ARHGAP42: variants seen among roughly 807,000 people sequenced by gnomAD.
ARHGAP42 encodes the protein Rho GTPase activating protein 42.
ARHGAP42 carries 63 observed loss-of-function variants against 125.0 expected under a neutral mutation model. The observed-to-expected ratio is 0.50, with a 90% CI of 0.41 to 0.62. The LOEUF (loss-of-function observed/expected upper bound fraction) is 0.62, where lower values mean the gene tolerates loss of function less well. Ranked by LOEUF, ARHGAP42 falls within the 20% of genes least tolerant of loss-of-function variation. The probability of loss-of-function intolerance (pLI) is 0.00; values close to 1 mark genes in which losing one functional copy is unlikely to be tolerated. For missense variants in ARHGAP42, 766 were observed against 1,024.2 expected, an observed-to-expected ratio of 0.75 and a Z score of 3.44; for synonymous variants, 339 against 351.0, an observed-to-expected ratio of 0.97 and a Z score of 0.38.
In ARHGAP42 at chr11:100,965,676, G is replaced by T. The variant is rs1447706237; in HGVS notation, c.1450G>T (p.Asp484Tyr). 6.5e-7 allele frequency: 1 copy of T among 1,550,108 alleles called. No homozygotes were observed. The highest frequency in any genetic ancestry group is 1.2e-5 in the South Asian group (1 of 83,962). ...HKDFIIAVKS[D>Y]DQNYRVEAVH... ...CAATCTTTTTTATGTAACAGAATCTGATGATCAAAACTACAGGGTGGAGGC... is the reference window on the plus strand; with the variant it reads ...CAATCTTTTTTATGTAACAGAATCTTATGATCAAAACTACAGGGTGGAGGC... Residue 484 changes from aspartate to tyrosine, a missense_variant, in exon 17 of 24, where the codon GAT (aspartate) becomes TAT (tyrosine). Physicochemically the swap from Asp to Tyr is radical, Grantham distance 160. This residue lies in a region of ARHGAP42 where 455 missense variants were observed against 636.5 expected (regional missense o/e 0.71). Coordinates refer to ENST00000298815, the MANE Select transcript of ARHGAP42 (RefSeq NM_152432.4).
intron 2 of ARHGAP42, among the ~76,000 whole-genome samples, chr11:100,778,258 AG>A (rs1352592303): frequency 6.6e-6 from 1 of 152,184 alleles, no homozygotes. Context: ...TCTAAACCAA[AG>A]GCAATGCCAT....
intron 4 of ARHGAP42, among the ~76,000 whole-genome samples, chr11:100,899,886 G>A (rs1477875901): frequency 6.6e-6 from 1 of 151,942 alleles, no homozygotes; most frequent in African/African-American, 2.4e-5. Context: ...GTCTTTAATT[G>A]GGGCCTTTAG....
intron 1 of ARHGAP42, among the ~76,000 whole-genome samples, chr11:100,699,039 A>G (rs1386055298): frequency 3.3e-5 from 5 of 151,728 alleles, no homozygotes; most frequent in Non-Finnish European, 5.9e-5. Context: ...TTTCTCTTAA[A>G]TGTTGGTGGT....
chr11:100,965,887 C>T, intron 17 of ARHGAP42, 111 bp downstream of exon 17: 1 of 983,910 alleles, frequency 1.0e-6, no homozygotes, highest in Admixed American at 2.9e-5. Context: ...AATTAGAGTC[C>T]ATTGAATTTG....
chr11:100,794,072 T>A (rs1863643192), intron 2 of ARHGAP42, among the ~76,000 whole-genome samples: 1 of 65,000 alleles, frequency 1.5e-5, no homozygotes, highest in Admixed American at 2.6e-4. Context: ...CTAGACCCTG[T>A]CTCAAAAAAA....
chr11:100,978,013 T>C (rs571541694), intron 21 of ARHGAP42, among the ~76,000 whole-genome samples: 1 of 152,330 alleles, frequency 6.6e-6, no homozygotes, highest in African/African-American at 2.4e-5. Context: ...TCTCTTTTGG[T>C]TAGAAATCCA....
intron 3 of ARHGAP42, among the ~76,000 whole-genome samples, chr11:100,831,767 A>G (rs1027326566): frequency 4.6e-5 from 7 of 152,210 alleles, no homozygotes; most frequent in African/African-American, 1.4e-4. Context: ...TACTTCCACT[A>G]TAAATGGTTT....
At position 100,989,025 on chromosome 11, in the gene ARHGAP42, T is replaced by A; in HGVS notation, c.*224T>A. 2.0e-6 allele frequency: 1 copy of A among 499,744 alleles called. No individual in the cohort carries two copies. The highest frequency in any genetic ancestry group is 3.6e-6 in the Non-Finnish European group (1 of 278,838). The allele number at this position is 499,744 out of a possible 1,614,324, so 31.0% of individuals were successfully genotyped here. On this transcript the variant is annotated 3_prime_UTR_variant, in exon 24 of 24. Transcript: ENST00000298815. ...GTTTCTTATTTTAAAATATCTTACT[T>A]GTGAAAAATGTGTTTTTGGATAATA...
intron 8 of ARHGAP42, among the ~76,000 whole-genome samples, chr11:100,938,080 T>C (rs1867783072): frequency 2.0e-5 from 3 of 151,364 alleles, no homozygotes; most frequent in Admixed American, 2.0e-4. Context: ...TCTCTCTTAA[T>C]GGCACCCCTC....
chr11:100,947,168 A>C (rs1451184379), intron 10 of ARHGAP42, among the ~76,000 whole-genome samples: 1 of 151,836 alleles, frequency 6.6e-6, no homozygotes, highest in Non-Finnish European at 1.5e-5. Context: ...TCTTTTTTCA[A>C]ATTTACTTTT....
At chr11:100,774,535 A>C (rs901574587) in intron 2 of ARHGAP42, among the ~76,000 whole-genome samples, 2 of 152,200 alleles carry the variant, frequency 1.3e-5, no homozygotes, top group Admixed American at 1.3e-4. Flanking sequence ...AAAGAAGCTC[A>C]TCTTTTGTAT....
Position 100,978,968 on chromosome 11 carries a change from A to T in ARHGAP42, c.2394-19A>T, listed in dbSNP as rs190135264. On this transcript the variant is annotated intron_variant, in intron 21 of 23. Transcript: ENST00000298815. Reference sequence around the variant, plus strand: ...ATGTGATTGACTTCATGAAACTTGCATTTTAAATCATTTTTCAGAGTGGCA... The same window carrying T: ...ATGTGATTGACTTCATGAAACTTGCTTTTTAAATCATTTTTCAGAGTGGCA... 6 of 1,551,288 alleles carry T rather than the reference A, an allele frequency of 3.9e-6. No individual in the cohort carries two copies. In the East Asian group the frequency reaches 1.5e-4, roughly 38 times the overall value.
chr11:100,929,387 CT>C, intron 6 of ARHGAP42, among the ~76,000 whole-genome samples: 1 of 152,290 alleles, frequency 6.6e-6, no homozygotes, highest in Non-Finnish European at 1.5e-5. Context: ...TTGGGGACCC[CT>C]ATTATAAACG....
intron 2 of ARHGAP42, among the ~76,000 whole-genome samples, chr11:100,780,668 C>G (rs962805189): frequency 6.6e-6 from 1 of 152,238 alleles, no homozygotes; most frequent in African/African-American, 2.4e-5. Context: ...GTAGCTTTCT[C>G]TTGCCTCTCT....
intron 12 of ARHGAP42, among the ~76,000 whole-genome samples, chr11:100,955,058 G>A (rs1471101500): frequency 1.3e-5 from 2 of 152,100 alleles, no homozygotes; most frequent in Non-Finnish European, 2.9e-5. Flanking sequence ...GAATTGCTAG[G>A]AAATTGAAGG....
rs939424109 is a variant in ARHGAP42 at position 100,959,863 on chromosome 11, G to T, written c.1163-20G>T. On this transcript the variant is annotated intron_variant, in intron 12 of 23. Transcript: ENST00000298815. ...TGAGTTCAGCGTAAACACCTAATGC[G>T]ATTTCTCTCTTATTTTCAGTGTATT... 1.3e-6 allele frequency: 2 copies of T among 1,550,096 alleles called. No homozygotes were observed. The highest frequency in any genetic ancestry group is 1.4e-5 in the African/African-American group (1 of 72,992).
At chr11:100,918,219 T>C (rs957427737) in intron 5 of ARHGAP42, among the ~76,000 whole-genome samples, 3 of 152,202 alleles carry the variant, frequency 2.0e-5, no homozygotes, top group African/African-American at 7.2e-5. Flanking sequence ...TACCTAAGCA[T>C]AGCTTCTCTT....
In ARHGAP42 at chr11:100,992,781, T is replaced by C. The variant is rs924074951; in HGVS notation, c.*3980T>C. ...TGCCCTCACTGTTTTAAATAAAGAA[T>C]CTTACATAAGAATGTTGACAACATT... On this transcript the variant is annotated 3_prime_UTR_variant, in exon 24 of 24. Transcript: ENST00000298815. The C allele has an allele frequency of 6.9e-7, 1 of 1,439,440 alleles. No individual in the cohort carries two copies. The highest frequency in any genetic ancestry group is 2.3e-5 in the Admixed American group (1 of 43,360). 89.2% of individuals were successfully genotyped at this position (1,439,440 alleles called of 1,614,324 possible). A position where few individuals can be genotyped will look rare whatever the true frequency, so the allele number is the denominator to read the frequency against.
chr11:100,840,105 A>G (rs1479442235), intron 3 of ARHGAP42, among the ~76,000 whole-genome samples: 2 of 152,206 alleles, frequency 1.3e-5, no homozygotes, highest in African/African-American at 4.8e-5. Flanking sequence ...ATGCTTGAAA[A>G]AGGAAAGAAC....
Sources: allele counts gnomAD v4.1 joint callset (sites outside exome capture counted in the v4.1 genomes callset), GRCh38; gene constraint gnomAD v4.1.1; regional missense constraint gnomAD v4.1.1; transcripts MANE v1.5; gene names NCBI Gene and HGNC (gene_info 2026-07-23, HGNC 2026-07-21).